Variants in PTPN2 observed in about 807,000 individuals in gnomAD.
PTPN2 encodes the protein tyrosine-protein phosphatase non-receptor type 2.
PTPN2 carries 19 observed loss-of-function variants against 57.3 expected under a neutral mutation model. That is an observed-to-expected ratio of 0.33 (90% CI 0.23 to 0.49). PTPN2 has a LOEUF of 0.49. Among genes scored for constraint, PTPN2 ranks in the 20% least tolerant of loss-of-function variants. The probability of loss-of-function intolerance (pLI) is 0.99; values close to 1 mark genes in which losing one functional copy is unlikely to be tolerated. For missense variants in PTPN2, 358 were observed against 501.1 expected (o/e 0.71, Z 2.73); for synonymous variants, 153 against 164.9 (o/e 0.93, Z 0.55).
At chr18:12,804,304 A>AAAAAG (rs1555659743) in intron 7 of PTPN2, among the ~76,000 whole-genome samples, 1 of 150,648 alleles carries the variant, frequency 6.6e-6, no homozygotes, top group African/African-American at 2.4e-5. Flanking sequence ...AAAAAAAAAA[A>AAAAAG]AAAAAGAAAA....
At chr18:12,877,041 A>G (rs2044513973) in intron 1 of PTPN2, among the ~76,000 whole-genome samples, 1 of 152,252 alleles carries the variant, frequency 6.6e-6, no homozygotes, top group Non-Finnish European at 1.5e-5. Context: ...TTATGACACT[A>G]GCAGATATTG....
At chr18:12,841,937 G>A (rs1015490575) in intron 2 of PTPN2, among the ~76,000 whole-genome samples, 5 of 145,228 alleles carry the variant, frequency 3.4e-5, no homozygotes, top group African/African-American at 1.3e-4. Flanking sequence ...ATGGAGTTTC[G>A]CTCTTGTTGC....
chr18:12,866,927 C>T (rs1228196138), intron 1 of PTPN2, among the ~76,000 whole-genome samples: 4 of 152,056 alleles, frequency 2.6e-5, no homozygotes, highest in East Asian at 1.9e-4. Context: ...ATTGCTTGAA[C>T]CCAGAAGGCG....
intron 2 of PTPN2, among the ~76,000 whole-genome samples, chr18:12,853,775 T>G (rs1448189769): frequency 1.3e-5 from 2 of 151,984 alleles, no homozygotes; most frequent in Admixed American, 1.3e-4. Flanking sequence ...TCTAGGAAAA[T>G]GGGTAGAAAA....
At chr18:12,823,393 G>T (rs1224027488) in intron 5 of PTPN2, among the ~76,000 whole-genome samples, 1 of 152,150 alleles carries the variant, frequency 6.6e-6, no homozygotes, top group Non-Finnish European at 1.5e-5. Flanking sequence ...TTAGGAGATG[G>T]CCGGGCGTGT....
chr18:12,841,573 C>T (rs1049178210), intron 2 of PTPN2, among the ~76,000 whole-genome samples: 1 of 152,156 alleles, frequency 6.6e-6, no homozygotes, highest in Non-Finnish European at 1.5e-5. Context: ...ATAAAGTATA[C>T]ATTGTTTAGG....
At chr18:12,879,732 T>A (rs557987568) in intron 1 of PTPN2, among the ~76,000 whole-genome samples, 36 of 152,216 alleles carry the variant, frequency 2.4e-4, no homozygotes, top group Non-Finnish European at 4.0e-4. Flanking sequence ...AATTCATTTT[T>A]CCCGCTAGAA....
At chr18:12,787,341 G>A (rs2040868506), downstream of PTPN2, 1 of 152,246 alleles carries the variant, frequency 6.6e-6, no homozygotes, top group Non-Finnish European at 1.5e-5. Context: ...TCTCAGTTCT[G>A]TCATGTACTA....
At chr18:12,786,145 A>T in intron 9 of PTPN2, 1 of 407,138 alleles carries the variant, frequency 2.5e-6, no homozygotes, top group Non-Finnish European at 4.4e-6. Context: ...TCAAGAAGTG[A>T]CCTCTGTGTG....
intron 8 of PTPN2, among the ~76,000 whole-genome samples, chr18:12,795,342 G>A (rs1202501909): frequency 6.6e-6 from 1 of 152,184 alleles, no homozygotes; most frequent in African/African-American, 2.4e-5. Context: ...TGCCCAGGCG[G>A]GAGTGCAGTG....
intron 1 of PTPN2, among the ~76,000 whole-genome samples, chr18:12,866,091 G>A (rs2043982146): frequency 6.6e-6 from 1 of 152,166 alleles, no homozygotes; most frequent in African/African-American, 2.4e-5. Flanking sequence ...CTTAGAAGAA[G>A]AAACAAAGTA....
At chr18:12,840,717 T>C in intron 2 of PTPN2, 1 of 1,598,452 alleles carries the variant, frequency 6.3e-7, no homozygotes, top group Non-Finnish European at 8.5e-7. Context: ...AGATTACCTA[T>C]TTCCTGCATT....
At chr18:12,858,862 A>G (rs1249708018) in intron 2 of PTPN2, among the ~76,000 whole-genome samples, 2 of 152,228 alleles carry the variant, frequency 1.3e-5, no homozygotes, top group African/African-American at 4.8e-5. Context: ...ATACATATGG[A>G]TATTATATAG....
intron 2 of PTPN2, among the ~76,000 whole-genome samples, chr18:12,846,620 T>A (rs1598839908): frequency 6.6e-6 from 1 of 152,188 alleles, no homozygotes; most frequent in Non-Finnish European, 1.5e-5. Context: ...TCTTACACTT[T>A]CCCTGTCGCA....
At chr18:12,823,878 T>C (rs2042355737) in intron 5 of PTPN2, among the ~76,000 whole-genome samples, 1 of 152,236 alleles carries the variant, frequency 6.6e-6, no homozygotes, top group South Asian at 2.1e-4. Context: ...TTTTGGAATC[T>C]GATAAACAAA....
chr18:12,798,730 A>G (rs2041289013), intron 8 of PTPN2, among the ~76,000 whole-genome samples: 1 of 152,184 alleles, frequency 6.6e-6, no homozygotes, highest in Non-Finnish European at 1.5e-5. Context: ...GTGTGTTTAC[A>G]TCTTTACAGT....
chr18:12,870,070 T>C (rs1415892540), intron 1 of PTPN2, among the ~76,000 whole-genome samples: 1 of 151,124 alleles, frequency 6.6e-6, no homozygotes, highest in Non-Finnish European at 1.5e-5. Flanking sequence ...AAGCTCTCTT[T>C]GAGGAAGAGA....
chr18:12,883,985 G>A (rs1210360716), intron 1 of PTPN2, 88 bp downstream of exon 1: 2 of 1,209,942 alleles, frequency 1.7e-6, no homozygotes, highest in South Asian at 1.5e-5. Context: ...GAGGCGAGAG[G>A]CGGGGGAGGC....
chr18:12,820,555 G>T (rs943221174), intron 5 of PTPN2, among the ~76,000 whole-genome samples: 1 of 152,134 alleles, frequency 6.6e-6, no homozygotes, highest in African/African-American at 2.4e-5. Flanking sequence ...AACAAGGTCT[G>T]CATTTAGACT....
Sources: allele counts gnomAD v4.1 joint callset (sites outside exome capture counted in the v4.1 genomes callset), GRCh38; gene constraint gnomAD v4.1.1; transcripts MANE v1.5; gene names NCBI Gene and HGNC (gene_info 2026-07-23, HGNC 2026-07-21).